The following CASK variants were observed in gnomAD, a reference collection of about 807,000 sequenced individuals.
CASK encodes the protein peripheral plasma membrane protein CASK.
Under a neutral mutation model 82.9 loss-of-function variants are expected in CASK, and 4 were observed. That is an observed-to-expected ratio of 0.05 (90% CI 0.02 to 0.11). CASK has a LOEUF of 0.11. Ranked by LOEUF, CASK falls within the 10% of genes least tolerant of loss-of-function variation. The pLI, the probability that CASK is intolerant of heterozygous loss-of-function variation, is 1.00. For missense variants in CASK, 358 were observed against 720.9 expected, an observed-to-expected ratio of 0.50 and a Z score of 5.76; for synonymous variants, 259 against 253.5, an observed-to-expected ratio of 1.02 and a Z score of -0.20.
At chrX:41,818,267 A>G (rs1437313490) in intron 2 of CASK, among the ~76,000 whole-genome samples, 2 of 109,302 alleles carry the variant, frequency 1.8e-5, no homozygotes, top group Non-Finnish European at 3.8e-5. Context: ...ATTTTGATAA[A>G]GTAGAACAAA....
chrX:41,761,883 T>C (rs1024125607), intron 3 of CASK, among the ~76,000 whole-genome samples: 2 of 112,295 alleles, frequency 1.8e-5, no homozygotes, highest in African/African-American at 3.2e-5. Context: ...CTAAATTTAT[T>C]ATCCTCATAG....
chrX:41,775,244 C>G (rs1292726651), intron 3 of CASK, among the ~76,000 whole-genome samples: 2 of 111,107 alleles, frequency 1.8e-5, no homozygotes, highest in Non-Finnish European at 3.8e-5. Flanking sequence ...AGACACTTCT[C>G]AAAAGAAGAC....
intron 3 of CASK, among the ~76,000 whole-genome samples, chrX:41,765,548 T>G (rs1021733337): frequency 2.7e-5 from 3 of 111,523 alleles, no homozygotes; most frequent in Non-Finnish European, 5.6e-5. Flanking sequence ...TCAGCAGGCA[T>G]AAACAGGAAT....
At chrX:41,544,845 G>A (rs1380766449) in intron 21 of CASK, among the ~76,000 whole-genome samples, 1 of 110,189 alleles carries the variant, frequency 9.1e-6, no homozygotes, top group African/African-American at 3.3e-5. Context: ...AGGCTGCAGT[G>A]AGCCAAGACT....
At chrX:41,758,588 G>A (rs376722081) in intron 3 of CASK, among the ~76,000 whole-genome samples, 25 of 111,082 alleles carry the variant, frequency 2.3e-4, no homozygotes, top group African/African-American at 6.2e-4. Flanking sequence ...CATTTGTTCC[G>A]ACAAAGAACA....
chrX:41,748,463 C>A, intron 3 of CASK: 1 of 160,614 alleles, frequency 6.2e-6, no homozygotes. Flanking sequence ...GATGTGCAAC[C>A]CAAAGATCTA....
At chrX:41,885,890 T>A (rs1268569137) in intron 1 of CASK, among the ~76,000 whole-genome samples, 1 of 112,339 alleles carries the variant, frequency 8.9e-6, no homozygotes. Context: ...ACTGGGTTAA[T>A]ATTTTACAAA....
intron 5 of CASK, among the ~76,000 whole-genome samples, chrX:41,690,726 T>A (rs1489058777): frequency 1.9e-5 from 2 of 105,414 alleles, no homozygotes; most frequent in Non-Finnish European, 1.9e-5. Flanking sequence ...CAGGCTGGAG[T>A]ACAGTGGAGT....
rs1485607914 is a variant in CASK at position 41,545,315 on chromosome X, C to T, written c.2040-2509G>A. 8.9e-5 allele frequency among the ~76,000 whole-genome samples: 10 copies of T among 112,527 alleles called. No individual in the cohort carries two copies. The East Asian group carries it at 2.5e-3, about 28-fold the overall frequency. On this transcript the variant is annotated intron_variant, in intron 21 of 26. Coordinates refer to ENST00000378163, the MANE Select transcript of CASK (RefSeq NM_001367721.1). ...ATGCTGGGATTACAGGCGTGAGCCA[C>T]TGCGCCCGGCCTAGAACTGATTTTT...
At chrX:41,778,593 T>C (rs2069411219) in intron 3 of CASK, among the ~76,000 whole-genome samples, 1 of 111,960 alleles carries the variant, frequency 8.9e-6, no homozygotes, top group Non-Finnish European at 1.9e-5. Context: ...ATTAACTGAA[T>C]TTTCTTCAGA....
intron 1 of CASK, among the ~76,000 whole-genome samples, chrX:41,922,037 C>T (rs1260335088): frequency 4.5e-5 from 5 of 111,634 alleles, no homozygotes; most frequent in African/African-American, 1.6e-4. Flanking sequence ...CCTTCACAAG[C>T]AAATTAGCAG....
intron 3 of CASK, among the ~76,000 whole-genome samples, chrX:41,761,173 G>C (rs1269780383): frequency 1.8e-5 from 2 of 111,997 alleles, no homozygotes; most frequent in African/African-American, 6.5e-5. Flanking sequence ...TGATCTCTAG[G>C]AGAGGGAGTG....
At chrX:41,900,052 T>G (rs774091200) in intron 1 of CASK, among the ~76,000 whole-genome samples, 230 of 109,952 alleles carry the variant, frequency 2.1e-3, no homozygotes, top group African/African-American at 6.3e-3. Flanking sequence ...GTTTTGTTTT[T>G]TTTTTTTTTC....
intron 8 of CASK, among the ~76,000 whole-genome samples, chrX:41,650,079 CTTTT>C (rs1015169980): frequency 5.5e-5 from 6 of 109,382 alleles, no homozygotes; most frequent in African/African-American, 2.0e-4. Flanking sequence ...GCAACCCCTG[CTTTT>C]TTTTTGTTTT....
At chrX:41,878,877 T>C (rs2071887309) in intron 1 of CASK, among the ~76,000 whole-genome samples, 1 of 111,535 alleles carries the variant, frequency 9.0e-6, no homozygotes, top group Admixed American at 9.6e-5. Context: ...GTCTATCCCT[T>C]ATAACTGTAC....
At chrX:41,624,738 A>G (rs2066337628) in intron 10 of CASK, among the ~76,000 whole-genome samples, 1 of 111,602 alleles carries the variant, frequency 9.0e-6, no homozygotes. Context: ...ACATGTATAA[A>G]CAGAGGAGAG....
At chrX:41,715,623 GAAAA>G (rs1458553381) in intron 5 of CASK, among the ~76,000 whole-genome samples, 1 of 84,188 alleles carries the variant, frequency 1.2e-5, no homozygotes, top group Admixed American at 1.3e-4. Context: ...ACTCTGACTT[GAAAA>G]AAAAAAAAAA....
chrX:41,886,648 T>C (rs2072053985), intron 1 of CASK, among the ~76,000 whole-genome samples: 1 of 111,821 alleles, frequency 8.9e-6, no homozygotes, highest in Non-Finnish European at 1.9e-5. Flanking sequence ...CATGCAATAA[T>C]AAACACATAA....
At chrX:41,604,811 A>G (rs10482559) in intron 12 of CASK, among the ~76,000 whole-genome samples, 2,985 of 112,431 alleles carry the variant, frequency 0.027, 104 homozygotes, top group African/African-American at 0.092. Flanking sequence ...GAGAAGCTGC[A>G]TATGTGTGCC....
Sources: allele counts gnomAD v4.1 joint callset (sites outside exome capture counted in the v4.1 genomes callset), GRCh38; gene constraint gnomAD v4.1.1; transcripts MANE v1.5; gene names NCBI Gene and HGNC (gene_info 2026-07-23, HGNC 2026-07-21).